MAPKAP1: variants seen among roughly 807,000 people sequenced by gnomAD.
The protein encoded by MAPKAP1 is target of rapamycin complex 2 subunit MAPKAP1.
Under a neutral mutation model 65.7 loss-of-function variants are expected in MAPKAP1, and 20 were observed. The observed-to-expected ratio is 0.30, with a 90% CI of 0.21 to 0.44. The LOEUF (loss-of-function observed/expected upper bound fraction) is 0.44, where lower values mean the gene tolerates loss of function less well. Among genes scored for constraint, MAPKAP1 ranks in the 20% least tolerant of loss-of-function variants. MAPKAP1 has a pLI of 1.00. For synonymous variants in MAPKAP1, 222 were observed against 244.3 expected, an observed-to-expected ratio of 0.91 and a Z score of 0.85; for missense variants, 423 against 648.0, an observed-to-expected ratio of 0.65 and a Z score of 3.77.
intron 7 of MAPKAP1, among the ~76,000 whole-genome samples, chr9:125,517,636 A>C (rs1407405774): frequency 2.0e-5 from 3 of 152,214 alleles, no homozygotes; most frequent in African/African-American, 4.8e-5. Context: ...AAGAGGAGGA[A>C]AGGAAAGGGC....
chr9:125,507,951 A>G (rs908669799), intron 7 of MAPKAP1, among the ~76,000 whole-genome samples: 2 of 152,134 alleles, frequency 1.3e-5, no homozygotes, highest in East Asian at 1.9e-4. Context: ...GGGGGGACCA[A>G]TTGAACCCAG....
chr9:125,568,456 A>T (rs1270497487), intron 5 of MAPKAP1, among the ~76,000 whole-genome samples: 1 of 152,130 alleles, frequency 6.6e-6, no homozygotes, highest in African/African-American at 2.4e-5. Flanking sequence ...GGCTGCATTG[A>T]GTGGGTCTTT....
intron 7 of MAPKAP1, among the ~76,000 whole-genome samples, chr9:125,537,950 T>A (rs933002813): frequency 1.3e-5 from 2 of 152,156 alleles, no homozygotes; most frequent in Non-Finnish European, 2.9e-5. Flanking sequence ...CACCTCCCCA[T>A]GGCCTTGAGT....
chr9:125,676,994 G>A lies in MAPKAP1; in HGVS notation c.-69-4351C>T, dbSNP rs529533571. Among the ~76,000 whole-genome samples, 18 of 152,142 alleles carry A rather than the reference G, an allele frequency of 1.2e-4. No individual in the cohort carries two copies. The South Asian group carries it at 3.1e-3, about 26-fold the overall frequency. On this transcript the variant is annotated intron_variant, in intron 1 of 11. Coordinates refer to ENST00000265960, the MANE Select transcript of MAPKAP1 (RefSeq NM_001006617.3). ...CAAACTTATTCCATCCATAAATATT[G>A]TTTTCTGTAGGAATACTAAACATAT... is the stretch of plus-strand genomic sequence containing the variant.
intron 4 of MAPKAP1, among the ~76,000 whole-genome samples, chr9:125,626,048 ATTTT>A (rs1001948757): frequency 2.0e-5 from 3 of 152,206 alleles, no homozygotes; most frequent in Admixed American, 2.0e-4. Context: ...TCTACATTTT[ATTTT>A]TAAGAAAATG....
At chr9:125,562,189 G>C (rs1830912253) in intron 5 of MAPKAP1, among the ~76,000 whole-genome samples, 1 of 152,206 alleles carries the variant, frequency 6.6e-6, no homozygotes, top group Admixed American at 6.5e-5. Flanking sequence ...ATTCTGCTTT[G>C]ATTGTTAAGG....
chr9:125,558,741 T>A (rs1332703721), intron 6 of MAPKAP1, among the ~76,000 whole-genome samples: 1 of 152,210 alleles, frequency 6.6e-6, no homozygotes, highest in Non-Finnish European at 1.5e-5. Flanking sequence ...CAGCAGGTTT[T>A]CCCTTAACAA....
intron 3 of MAPKAP1, among the ~76,000 whole-genome samples, chr9:125,659,012 A>T (rs1834111866): frequency 6.6e-6 from 1 of 152,202 alleles, no homozygotes; most frequent in Admixed American, 6.5e-5. Flanking sequence ...CACTTTGGAA[A>T]GGCAAGGTGG....
At chr9:125,689,175 C>A (rs750719972) in intron 1 of MAPKAP1, among the ~76,000 whole-genome samples, 1 of 151,834 alleles carries the variant, frequency 6.6e-6, no homozygotes, top group East Asian at 1.9e-4. Flanking sequence ...CGGTGGCTCA[C>A]GCCTGTAATC....
intron 4 of MAPKAP1, among the ~76,000 whole-genome samples, chr9:125,587,694 A>T (rs1392960666): frequency 6.6e-6 from 1 of 152,264 alleles, no homozygotes; most frequent in Non-Finnish European, 1.5e-5. Flanking sequence ...TCTACTATCT[A>T]GAATACGTTA....
rs34657276 is a variant in MAPKAP1, at chr9:125,689,462, A to AAAAC, written c.-69-16820_-69-16819insGTTT. Among the ~76,000 whole-genome samples the AAAAC allele has an allele frequency of 2.8e-4, 29 of 105,086 alleles. 7 individuals carry two copies. The highest frequency in any genetic ancestry group is 5.4e-4 in the Non-Finnish European group (25 of 46,232). The allele number at this position is 105,086 out of a possible 152,430, so 68.9% of individuals were successfully genotyped here. A position where few individuals can be genotyped will look rare whatever the true frequency, so the allele number is the denominator to read the frequency against. Reference sequence around the variant, plus strand: ...AAAAAAAAAAAAAAAAAAAAAAAAAACAGGCCAGGCACAGTGGCTCACGCC... The same window carrying AAAAC: ...AAAAAAAAAAAAAAAAAAAAAAAAAAAAACCAGGCCAGGCACAGTGGCTCACGCC... On this transcript the variant is annotated intron_variant, in intron 1 of 11. Coordinates refer to ENST00000265960, the MANE Select transcript of MAPKAP1 (RefSeq NM_001006617.3).
intron 10 of MAPKAP1, among the ~76,000 whole-genome samples, chr9:125,451,863 G>A (rs886155484): frequency 3.4e-5 from 5 of 148,074 alleles, no homozygotes; most frequent in South Asian, 4.4e-4. Flanking sequence ...AGGGTGGAGC[G>A]CAGTGGCGCG....
chr9:125,605,958 T>G (rs1452606031), intron 4 of MAPKAP1, among the ~76,000 whole-genome samples: 1 of 152,238 alleles, frequency 6.6e-6, no homozygotes, highest in Non-Finnish European at 1.5e-5. Context: ...TTTCAAATCC[T>G]ATTATTTAAA....
intron 6 of MAPKAP1, among the ~76,000 whole-genome samples, chr9:125,555,602 C>T (rs474489): frequency 2.0e-5 from 3 of 151,974 alleles, no homozygotes; most frequent in Non-Finnish European, 4.4e-5. Context: ...GTGGGACACA[C>T]TGCTGGGTCA....
At chr9:125,571,996 A>G (rs1221966303) in intron 5 of MAPKAP1, among the ~76,000 whole-genome samples, 1 of 152,226 alleles carries the variant, frequency 6.6e-6, no homozygotes, top group African/African-American at 2.4e-5. Context: ...AATTTGGAGC[A>G]TATTTGTTTC....
intron 5 of MAPKAP1, among the ~76,000 whole-genome samples, chr9:125,562,597 A>G (rs1276572297): frequency 6.6e-6 from 1 of 152,210 alleles, no homozygotes; most frequent in Non-Finnish European, 1.5e-5. Flanking sequence ...TAGTAAAAGA[A>G]GCTACTGTGA....
At chr9:125,642,745 TA>T (rs1833614995) in intron 4 of MAPKAP1, among the ~76,000 whole-genome samples, 1 of 152,192 alleles carries the variant, frequency 6.6e-6, no homozygotes, top group Non-Finnish European at 1.5e-5. Flanking sequence ...CCCTTTGCAA[TA>T]AATCTCCACA....
intron 9 of MAPKAP1, among the ~76,000 whole-genome samples, chr9:125,476,545 C>G (rs1364020829): frequency 6.7e-6 from 1 of 149,572 alleles, no homozygotes; most frequent in Non-Finnish European, 1.5e-5. Context: ...TCCACAGGTA[C>G]CCCACTGGAA....
chr9:125,464,209 A>ATTT (rs1167882006), intron 10 of MAPKAP1, among the ~76,000 whole-genome samples: 1 of 144,412 alleles, frequency 6.9e-6, no homozygotes, highest in African/African-American at 2.7e-5. Flanking sequence ...TATATTAAAA[A>ATTT]AAAAAAAAAA....
Sources: allele counts gnomAD v4.1 joint callset (sites outside exome capture counted in the v4.1 genomes callset), GRCh38; gene constraint gnomAD v4.1.1; transcripts MANE v1.5; gene names NCBI Gene and HGNC (gene_info 2026-07-23, HGNC 2026-07-21).